The following PTK7 variants were observed in gnomAD, a reference collection of about 807,000 sequenced individuals.
The protein encoded by PTK7 is inactive tyrosine-protein kinase 7.
PTK7 carries 39 observed loss-of-function variants against 116.6 expected under a neutral mutation model. The ratio of observed to expected loss-of-function variants is 0.33; its 90% confidence interval spans 0.26 to 0.44. The LOEUF is 0.44. Among genes scored for constraint, PTK7 ranks in the 20% least tolerant of loss-of-function variants. The pLI, the probability that PTK7 is intolerant of heterozygous loss-of-function variation, is 1.00. For synonymous variants in PTK7, 546 were observed against 563.6 expected (o/e 0.97, Z 0.44); for missense variants, 1,169 against 1,425.6 (o/e 0.82, Z 2.90).
At chr6:43,148,289 C>A (rs1200898108) in intron 17 of PTK7, among the ~76,000 whole-genome samples, 1 of 151,926 alleles carries the variant, frequency 6.6e-6, no homozygotes, top group Admixed American at 6.6e-5. Flanking sequence ...AGGCATCTTG[C>A]CCTTGGGGCA....
chr6:43,098,548 G>A (rs898957869), intron 1 of PTK7, among the ~76,000 whole-genome samples: 5 of 151,882 alleles, frequency 3.3e-5, no homozygotes, highest in African/African-American at 9.7e-5. Flanking sequence ...TAGAGATGGG[G>A]TTTTGCCGTG....
In PTK7 at chr6:43,143,618, ACGGTGAGGGGC is replaced by A; in HGVS notation, c.2251_2251+10del. 1 of 1,611,322 alleles carries A rather than the reference ACGGTGAGGGGC, an allele frequency of 6.2e-7. No individual in the cohort carries two copies. Among genetic ancestry groups the A allele is most frequent in the Non-Finnish European group, 8.5e-7 (1 of 1,179,736 alleles). On this transcript the variant is annotated splice_donor_variant and splice_donor_5th_base_variant and coding_sequence_variant and intron_variant, in exon 14 of 20. Transcript: ENST00000230419. LOFTEE classifies it high-confidence loss of function. This position sits in a 1 kb window ranked among gnomAD's most constrained non-coding sequence, Gnocchi z 4.2. ...GAGGAGCCAGAGATGGAATGCCTCA[ACGGTGAGGGGC>A]CCTGGACGGGGAGGTGGTGCCCGTG...
Position 43,076,472 on chromosome 6 carries a change from T to C in PTK7, c.-17T>C, listed in dbSNP as rs745968231. ...GCCCGCCGTGCGCCCTCAGCTCCTT[T>C]TCCTGAGCCCGCCGCGATGGGAGCT... is the stretch of plus-strand genomic sequence containing the variant. On this transcript the variant is annotated 5_prime_UTR_variant, in exon 1 of 20. Coordinates refer to ENST00000230419, the MANE Select transcript of PTK7 (RefSeq NM_002821.5). This position sits in a 1 kb window ranked among gnomAD's most constrained non-coding sequence, Gnocchi z 5.7. 2 of 1,556,458 alleles carry C rather than the reference T, an allele frequency of 1.3e-6. No individual in the cohort carries two copies. The highest frequency in any genetic ancestry group is 5.3e-5 in the East Asian group (2 of 38,076).
intron 1 of PTK7, chr6:43,077,086 C>T (rs1176488151): frequency 8.9e-6 from 11 of 1,235,784 alleles, no homozygotes; most frequent in Admixed American, 3.7e-5. Context: ...CGGCTTCCCT[C>T]CTCCGAGTTC....
At chr6:43,155,513 A>G (rs1490795527) in intron 17 of PTK7, among the ~76,000 whole-genome samples, 4 of 151,866 alleles carry the variant, frequency 2.6e-5, no homozygotes, top group Non-Finnish European at 5.9e-5. Context: ...GCGTGGTGGT[A>G]TGTGCCTGTA....
At chr6:43,147,696 G>C (rs1419023215) in intron 17 of PTK7, among the ~76,000 whole-genome samples, 1 of 152,228 alleles carries the variant, frequency 6.6e-6, no homozygotes, top group Non-Finnish European at 1.5e-5. Flanking sequence ...CTCTGGGGAA[G>C]CAGCTCTGTG....
chr6:43,097,492 T>C (rs1561940187), intron 1 of PTK7, among the ~76,000 whole-genome samples: 3 of 152,226 alleles, frequency 2.0e-5, no homozygotes, highest in African/African-American at 7.2e-5. Context: ...GTATTTGTTA[T>C]TTTTGTGGAG....
chr6:43,161,290 A>G lies in PTK7; in HGVS notation c.*409A>G, dbSNP rs1771831055. ...TGTGGGGAGTTCCTTAATATTCTCAAGTTCTGGGCACACAGGGTTAATGAG... is the reference window on the plus strand; with the variant it reads ...TGTGGGGAGTTCCTTAATATTCTCAGGTTCTGGGCACACAGGGTTAATGAG... On this transcript the variant is annotated 3_prime_UTR_variant, in exon 20 of 20. Transcript: ENST00000230419. The G allele has an allele frequency of 5.1e-6, 1 of 194,800 alleles. No homozygotes were observed. The highest frequency in any genetic ancestry group is 1.1e-4 in the South Asian group (1 of 9,296). The allele number at this position is 194,800 out of a possible 1,614,324, so 12.1% of individuals were successfully genotyped here.
intron 1 of PTK7, among the ~76,000 whole-genome samples, chr6:43,116,604 T>TTG (rs751605217): frequency 0.04 from 4,813 of 119,042 alleles, 125 homozygotes; most frequent in Non-Finnish European, 0.054. Context: ...AAAAGCTGGT[T>TTG]TGTGTGTGTG....
Position 43,161,056 on chromosome 6 carries a change from C to G in PTK7, c.*175C>G, listed in dbSNP as rs1582241924. 1.0e-6 allele frequency: 1 copy of G among 960,370 alleles called. No individual in the cohort carries two copies. Among genetic ancestry groups the G allele is most frequent in the Non-Finnish European group, 1.5e-6 (1 of 674,156 alleles). 59.5% of individuals were successfully genotyped at this position (960,370 alleles called of 1,614,324 possible). A position where few individuals can be genotyped will look rare whatever the true frequency, so the allele number is the denominator to read the frequency against. ...TTTCCTCCTCTTCCTCACCCTCATC[C>G]TTTGGGAGGCTGACTTGGACCCAAA... On this transcript the variant is annotated 3_prime_UTR_variant, in exon 20 of 20. Coordinates refer to ENST00000230419, the MANE Select transcript of PTK7 (RefSeq NM_002821.5).
intron 14 of PTK7, 136 bp from the exon 15 acceptor site, chr6:43,144,315 G>C: frequency 9.4e-7 from 1 of 1,059,060 alleles, no homozygotes; most frequent in Non-Finnish European, 1.4e-6. Context: ...TCATCATTTG[G>C]GCTTGCCCTT....
At chr6:43,153,212 G>T (rs1312076253) in intron 17 of PTK7, among the ~76,000 whole-genome samples, 1 of 151,822 alleles carries the variant, frequency 6.6e-6, no homozygotes, top group Non-Finnish European at 1.5e-5. Flanking sequence ...CCAGGTTCAT[G>T]CCATTATCCT....
chr6:43,108,085 C>G (rs548439273), intron 1 of PTK7, among the ~76,000 whole-genome samples: 1 of 150,802 alleles, frequency 6.6e-6, no homozygotes, highest in East Asian at 1.9e-4. Flanking sequence ...TTCCAGAAAG[C>G]TGCTTTAACT....
chr6:43,086,947 T>C lies in PTK7; in HGVS notation c.79+10380T>C, dbSNP rs1766694466. ...TCAGTGTTGACTCTTTGGTCAGACA[T>C]CTTGAGCAGTGCACAACCTGTACAG... On this transcript the variant is annotated intron_variant, in intron 1 of 19. Transcript: ENST00000230419. 2.0e-5 allele frequency among the ~76,000 whole-genome samples: 3 copies of C among 152,224 alleles called. No homozygotes were observed. In the South Asian group the frequency reaches 6.2e-4, roughly 32 times the overall value.
Position 43,141,742 on chromosome 6 carries a change from G to A in PTK7, c.1693G>A (p.Ala565Thr), listed in dbSNP as rs769205401. ...TTTTGCCCGGGTGACTCGAGATGAC[G>A]CTGGCAACTACACTTGCATTGCCTC... ...LHFARVTRDDAGNYTCIASNG... is the reference protein window; with the variant it reads ...LHFARVTRDDTGNYTCIASNG... Residue 565 changes from alanine (A) to threonine (T), a missense_variant, in exon 11 of 20, where the codon GCT becomes ACT. Around this residue, in one of 3 missense-constraint regions of PTK7, gnomAD observed 678 missense variants for 853.8 expected, o/e 0.79. Transcript: ENST00000230419. The surrounding 1 kb of genome is among the most constrained non-coding windows in gnomAD (Gnocchi z 4.9). 35 of 1,614,098 alleles carry A rather than the reference G, an allele frequency of 2.2e-5. No individual in the cohort carries two copies. Among genetic ancestry groups the A allele is most frequent in the Non-Finnish European group, 2.8e-5 (33 of 1,180,016 alleles).
rs140683000 is a variant in PTK7 at position 43,139,148 on chromosome 6, G to A, written c.1375G>A (p.Glu459Lys). The change falls in exon 9 of 20, where the codon GAG becomes AAG. Residue 459 changes from glutamate (E) to lysine (K), a missense_variant. Around this residue, in one of 3 missense-constraint regions of PTK7, gnomAD observed 678 missense variants for 853.8 expected, o/e 0.79. Coordinates refer to ENST00000230419, the MANE Select transcript of PTK7 (RefSeq NM_002821.5). The surrounding 1 kb of genome is among the most constrained non-coding windows in gnomAD (Gnocchi z 4.6). ...ACCTGTGCTGCAGGACTCACGGTTC[G>A]AGGTCTTCAAGAATGGGACCTTGCG... ...QMLISEDSRF[E>K]VFKNGTLRIN... is the part of the protein sequence containing the mutation. The A allele has an allele frequency of 4.4e-5, 71 of 1,614,098 alleles. No individual in the cohort carries two copies. Among genetic ancestry groups the A allele is most frequent in the African/African-American group, 6.7e-5 (5 of 74,940 alleles).
Position 43,129,482 on chromosome 6 carries a change from C to A in PTK7, c.367+218C>A. On this transcript the variant is annotated intron_variant, in intron 2 of 19. Transcript: ENST00000230419. The surrounding 1 kb of genome is among the most constrained non-coding windows in gnomAD (Gnocchi z 4.5). ...TTCAAGTCTGGGACCCATTTATCTGCTGCATGCTTGTGCAAATGGAAAGGG... is the reference window on the plus strand; with the variant it reads ...TTCAAGTCTGGGACCCATTTATCTGATGCATGCTTGTGCAAATGGAAAGGG... The A allele has an allele frequency of 1.3e-6, 1 of 753,862 alleles. No homozygotes were observed. Among genetic ancestry groups the A allele is most frequent in the Non-Finnish European group, 2.1e-6 (1 of 477,100 alleles). The allele number at this position is 753,862 out of a possible 1,614,324, so 46.7% of individuals were successfully genotyped here.
intron 1 of PTK7, among the ~76,000 whole-genome samples, chr6:43,089,215 G>A (rs894583779): frequency 6.6e-6 from 1 of 152,254 alleles, no homozygotes; most frequent in East Asian, 1.9e-4. Context: ...TGGCTGAACC[G>A]TTGACCACTC....
Position 43,076,762 on chromosome 6 carries a change from C to G in PTK7, c.79+195C>G, listed in dbSNP as rs567554148. On this transcript the variant is annotated intron_variant, in intron 1 of 19. Coordinates refer to ENST00000230419, the MANE Select transcript of PTK7 (RefSeq NM_002821.5). The surrounding 1 kb of genome is among the most constrained non-coding windows in gnomAD (Gnocchi z 5.7). ...GGGAGGCTGGCGAAGCCTCCAGGGA[C>G]GCGGTCAGGGTACCCCTCCCACTCG... is the stretch of plus-strand genomic sequence containing the variant. The G allele has an allele frequency of 7.2e-7, 1 of 1,395,932 alleles. No homozygotes were observed. The highest frequency in any genetic ancestry group is 3.1e-5 in the Admixed American group (1 of 32,566). 86.5% of individuals were successfully genotyped at this position (1,395,932 alleles called of 1,614,324 possible).
Sources: gnomAD v4.1 joint callset for allele counts (sites outside exome capture counted in the v4.1 genomes callset) on GRCh38, gnomAD v4.1.1 for gene constraint, gnomAD v4.1.1 regional missense constraint, Gnocchi (gnomAD v3.1) non-coding constraint, MANE v1.5 for transcripts, NCBI Gene and HGNC (gene_info 2026-07-23, HGNC 2026-07-21) for gene names.